Variants in SOBP observed in about 807,000 individuals in gnomAD.
SOBP encodes sine oculis-binding protein homolog.
Under a neutral mutation model 53.6 loss-of-function variants are expected in SOBP, and 4 were observed. The observed-to-expected ratio is 0.07, with a 90% confidence interval of 0.04 to 0.17. SOBP has a LOEUF of 0.17. Ranked by LOEUF, SOBP falls within the 10% of genes least tolerant of loss-of-function variation. The pLI, the probability that SOBP is intolerant of heterozygous loss-of-function variation, is 1.00. For missense variants in SOBP, 1,088 were observed against 1,204.7 expected (o/e 0.90, Z 1.43); for synonymous variants, 584 against 522.6 (o/e 1.12, Z -1.60).
rs1785927305 is a variant in SOBP at position 107,595,805 on chromosome 6, G to A, written c.669+8630G>A. ...AGAATGACATATGTGAGTAATAAGA[G>A]AGGCAAGAAATTAGAGATGGGAGGA... is the stretch of plus-strand genomic sequence containing the variant. On this transcript the variant is annotated intron_variant, in intron 5 of 6. Transcript: ENST00000317357. 1.3e-5 allele frequency among the ~76,000 whole-genome samples: 2 copies of A among 152,104 alleles called. 1 individual carries two copies. Among genetic ancestry groups the A allele is most frequent in the Non-Finnish European group, 2.9e-5 (2 of 68,018 alleles).
intron 1 of SOBP, among the ~76,000 whole-genome samples, chr6:107,503,150 T>A (rs1381181788): frequency 1.3e-5 from 2 of 152,250 alleles, no homozygotes; most frequent in Non-Finnish European, 2.9e-5. Flanking sequence ...ATGGTACTGT[T>A]AACAATTCTG....
chr6:107,534,104 T>G (rs1783922398), intron 4 of SOBP, among the ~76,000 whole-genome samples: 1 of 152,216 alleles, frequency 6.6e-6, no homozygotes, highest in Non-Finnish European at 1.5e-5. Flanking sequence ...CTTGACATCT[T>G]ATGTTAAAGC....
intron 4 of SOBP, chr6:107,557,920 A>G (rs1784662019): frequency 6.6e-6 from 1 of 152,172 alleles, no homozygotes; most frequent in Non-Finnish European, 1.5e-5. Flanking sequence ...ATTTATGGAT[A>G]ATTTCTCCTG....
At chr6:107,564,379 A>G (rs758343868) in intron 4 of SOBP, among the ~76,000 whole-genome samples, 2 of 152,194 alleles carry the variant, frequency 1.3e-5, no homozygotes, top group Non-Finnish European at 1.5e-5. Flanking sequence ...CCAGGAGGTC[A>G]CTGAGCCCAG....
intron 3 of SOBP, among the ~76,000 whole-genome samples, chr6:107,518,270 C>G (rs933673816): frequency 6.6e-6 from 1 of 152,122 alleles, no homozygotes; most frequent in Non-Finnish European, 1.5e-5. Context: ...TTAGGGACAT[C>G]AGATTTAAAA....
intron 3 of SOBP, among the ~76,000 whole-genome samples, chr6:107,532,665 A>G (rs1783864650): frequency 6.6e-6 from 1 of 152,140 alleles, no homozygotes; most frequent in African/African-American, 2.4e-5. Flanking sequence ...ATTCTGAGCA[A>G]CCCCATGACA....
intron 6 of SOBP, among the ~76,000 whole-genome samples, chr6:107,653,019 T>C (rs140196504): frequency 6.6e-6 from 1 of 152,222 alleles, no homozygotes; most frequent in Non-Finnish European, 1.5e-5. Context: ...TTTATTGCAA[T>C]GCTCACTTTA....
At chr6:107,630,524 G>A (rs533845045) in intron 5 of SOBP, among the ~76,000 whole-genome samples, 3 of 152,234 alleles carry the variant, frequency 2.0e-5, no homozygotes, top group Non-Finnish European at 2.9e-5. Context: ...TGATAGTACC[G>A]TGTTTTATTG....
intron 4 of SOBP, among the ~76,000 whole-genome samples, chr6:107,571,497 C>G (rs1785072422): frequency 1.3e-5 from 2 of 152,338 alleles, no homozygotes; most frequent in South Asian, 4.1e-4. Context: ...AACGCCTGAG[C>G]TTTGGATGAC....
intron 4 of SOBP, among the ~76,000 whole-genome samples, chr6:107,541,560 G>A (rs1452009406): frequency 2.0e-5 from 3 of 152,116 alleles, no homozygotes; most frequent in Admixed American, 6.5e-5. Context: ...ACTATATTTT[G>A]GAGGCTCAAT....
At chr6:107,563,564 A>G (rs186825087) in intron 4 of SOBP, among the ~76,000 whole-genome samples, 1 of 152,194 alleles carries the variant, frequency 6.6e-6, no homozygotes, top group African/African-American at 2.4e-5. Context: ...AGGAAGCATC[A>G]TTAGTAAAAA....
At chr6:107,555,212 A>AG (rs1379381526) in intron 4 of SOBP, among the ~76,000 whole-genome samples, 3 of 148,648 alleles carry the variant, frequency 2.0e-5, no homozygotes, top group African/African-American at 7.5e-5. Context: ...AAAAAAAAAA[A>AG]GATAAACCCT....
At chr6:107,533,635 G>A in intron 4 of SOBP, 25 bp downstream of exon 4, 1 of 1,613,638 alleles carries the variant, frequency 6.2e-7, no homozygotes, top group Non-Finnish European at 8.5e-7. Flanking sequence ...GAGAGAGGCG[G>A]CCCCCCACAG....
chr6:107,521,909 AACACACACACACACACACACAC>A (rs34004579), intron 3 of SOBP, among the ~76,000 whole-genome samples: 9 of 139,370 alleles, frequency 6.5e-5, no homozygotes, highest in East Asian at 4.3e-4. Context: ...CAGACATTAA[AACACACACACACACACACACAC>A]ACACACACAC....
intron 3 of SOBP, among the ~76,000 whole-genome samples, chr6:107,508,023 G>A (rs924035496): frequency 1.2e-4 from 18 of 152,060 alleles, no homozygotes; most frequent in African/African-American, 2.2e-4. Context: ...TAATTGTAAC[G>A]CTGGTTATTT....
At chr6:107,491,371 C>G (rs1474322098) in intron 1 of SOBP, among the ~76,000 whole-genome samples, 3 of 152,244 alleles carry the variant, frequency 2.0e-5, no homozygotes, top group African/African-American at 7.2e-5. Context: ...CGGCCAGCCC[C>G]GCTGGAGGAC....
intron 4 of SOBP, among the ~76,000 whole-genome samples, chr6:107,566,806 C>T (rs1318602133): frequency 6.6e-6 from 1 of 152,234 alleles, no homozygotes; most frequent in Admixed American, 6.5e-5. Flanking sequence ...GGAAATCGGA[C>T]TGAAGCTGTA....
At chr6:107,645,543 C>A (rs1692748054) in intron 6 of SOBP, among the ~76,000 whole-genome samples, 1 of 141,310 alleles carries the variant, frequency 7.1e-6, no homozygotes, top group African/African-American at 2.6e-5. Context: ...AAAAAAAAAG[C>A]CAAGGTCACT....
At chr6:107,511,133 A>C (rs556966639) in intron 3 of SOBP, among the ~76,000 whole-genome samples, 57 of 152,352 alleles carry the variant, frequency 3.7e-4, no homozygotes, top group Admixed American at 9.1e-4. Flanking sequence ...TTTCAAGGTC[A>C]CATGGCTTCT....
Sources: allele counts gnomAD v4.1 joint callset (sites outside exome capture counted in the v4.1 genomes callset), GRCh38; gene constraint gnomAD v4.1.1; transcripts MANE v1.5; gene names NCBI Gene and HGNC (gene_info 2026-07-23, HGNC 2026-07-21).